Variants in TTBK2 observed in about 807,000 individuals in gnomAD.
The protein encoded by TTBK2 is tau-tubulin kinase 2.
Under a neutral mutation model 110.8 loss-of-function variants are expected in TTBK2, and 28 were observed. That is an observed-to-expected ratio of 0.25 (90% CI 0.19 to 0.35). The LOEUF (loss-of-function observed/expected upper bound fraction) is 0.35, where lower values mean the gene tolerates loss of function less well. TTBK2 is among the 10% of genes least tolerant of loss of function. The pLI is 1.00. For missense variants in TTBK2, 1,369 were observed against 1,500.3 expected, an observed-to-expected ratio of 0.91 and a Z score of 1.45; for synonymous variants, 532 against 527.3, an observed-to-expected ratio of 1.01 and a Z score of -0.12.
chr15:42,809,601 C>T (rs956963369), intron 9 of TTBK2, among the ~76,000 whole-genome samples: 10 of 152,164 alleles, frequency 6.6e-5, no homozygotes, highest in African/African-American at 2.4e-4. Context: ...AAAATACATA[C>T]AAAAGACAAA....
At chr15:42,901,844 AAAG>A in intron 1 of TTBK2, among the ~76,000 whole-genome samples, 1 of 152,198 alleles carries the variant, frequency 6.6e-6, no homozygotes, top group Admixed American at 6.5e-5. Context: ...ACACTTGTCC[AAAG>A]AAGATATACA....
intron 14 of TTBK2, among the ~76,000 whole-genome samples, chr15:42,748,561 C>T (rs1289982200): frequency 2.0e-5 from 3 of 152,114 alleles, no homozygotes; most frequent in African/African-American, 7.2e-5. Context: ...GCTGGGAATA[C>T]AGCTGTGTAG....
chr15:42,853,976 C>T (rs1893829217), intron 3 of TTBK2, among the ~76,000 whole-genome samples: 1 of 152,084 alleles, frequency 6.6e-6, no homozygotes. Flanking sequence ...CACTCTGTCA[C>T]CCAGGTTGGA....
At chr15:42,812,310 G>GT (rs1340552598) in intron 7 of TTBK2, among the ~76,000 whole-genome samples, 1 of 150,682 alleles carries the variant, frequency 6.6e-6, no homozygotes, top group Non-Finnish European at 1.5e-5. Flanking sequence ...ACATTATACT[G>GT]TAATTGTTTT....
intron 6 of TTBK2, among the ~76,000 whole-genome samples, chr15:42,818,930 A>G (rs1431272511): frequency 6.7e-6 from 1 of 149,298 alleles, no homozygotes; most frequent in African/African-American, 2.4e-5. Flanking sequence ...CTCAAAAAAA[A>G]AAAACAAAAA....
chr15:42,776,418 AG>A, intron 12 of TTBK2, among the ~76,000 whole-genome samples: 1 of 152,362 alleles, frequency 6.6e-6, no homozygotes, highest in South Asian at 2.1e-4. Context: ...AATTTGTTGT[AG>A]GGATAATGTG....
At chr15:42,823,961 G>T (rs371625100) in intron 6 of TTBK2, among the ~76,000 whole-genome samples, 7 of 152,190 alleles carry the variant, frequency 4.6e-5, no homozygotes, top group African/African-American at 1.4e-4. Context: ...TTCTGGTGAG[G>T]GCTTCAGGCT....
chr15:42,915,433 C>G (rs1007081051), intron 1 of TTBK2, among the ~76,000 whole-genome samples: 1 of 152,184 alleles, frequency 6.6e-6, no homozygotes. Context: ...GATAACTGTT[C>G]TATTTTATTA....
chr15:42,815,891 AAAATATATATATATATTT>A (rs1176859779), intron 7 of TTBK2, among the ~76,000 whole-genome samples: 9 of 99,970 alleles, frequency 9.0e-5, no homozygotes, highest in African/African-American at 5.2e-4. Flanking sequence ...TATATATTTA[AAAATATATATATATATTT>A]AAAAATATAT....
chr15:42,760,301 G>A (rs1413306270), intron 13 of TTBK2, among the ~76,000 whole-genome samples: 1 of 147,950 alleles, frequency 6.8e-6, no homozygotes, highest in Non-Finnish European at 1.5e-5. Context: ...CAGAAGAATT[G>A]CTTGAACCAG....
At chr15:42,843,302 G>T (rs80233351) in intron 3 of TTBK2, among the ~76,000 whole-genome samples, 1 of 152,164 alleles carries the variant, frequency 6.6e-6, no homozygotes, top group Non-Finnish European at 1.5e-5. Flanking sequence ...ACTCTCTGGC[G>T]ACAGAAACTG....
chr15:42,878,030 A>G (rs981341834), intron 2 of TTBK2, among the ~76,000 whole-genome samples: 8 of 151,278 alleles, frequency 5.3e-5, no homozygotes, highest in Admixed American at 1.3e-4. Flanking sequence ...AAAAAAAAAA[A>G]AGAGAGAGCA....
At chr15:42,865,731 G>A (rs1226180495) in intron 3 of TTBK2, among the ~76,000 whole-genome samples, 2 of 152,100 alleles carry the variant, frequency 1.3e-5, no homozygotes, top group East Asian at 3.9e-4. Context: ...GCCAAAGCAA[G>A]AGGATCACTT....
At chr15:42,865,061 T>C (rs1028685278) in intron 3 of TTBK2, among the ~76,000 whole-genome samples, 4 of 152,140 alleles carry the variant, frequency 2.6e-5, no homozygotes, top group African/African-American at 9.7e-5. Flanking sequence ...ATAATGTTAT[T>C]TGAAAGTGGA....
intron 13 of TTBK2, among the ~76,000 whole-genome samples, chr15:42,762,671 C>T (rs989516010): frequency 6.6e-6 from 1 of 152,084 alleles, no homozygotes; most frequent in South Asian, 2.1e-4. Context: ...GAGCCAAGAT[C>T]ACCACCACTG....
chr15:42,835,230 G>A (rs546265766), intron 4 of TTBK2, among the ~76,000 whole-genome samples: 1 of 152,180 alleles, frequency 6.6e-6, no homozygotes, highest in Admixed American at 6.5e-5. Flanking sequence ...AAAATGGATG[G>A]ATCAGACTGA....
At chr15:42,863,903 C>T (rs963374697) in intron 3 of TTBK2, among the ~76,000 whole-genome samples, 1 of 152,212 alleles carries the variant, frequency 6.6e-6, no homozygotes, top group African/African-American at 2.4e-5. Context: ...AACTAGACCC[C>T]TATCTTTCAC....
rs745306977 is a variant in TTBK2, at chr15:42,746,173, A to C, written c.3357T>G (p.Ser1119=). The C allele has an allele frequency of 1.1e-5, 17 of 1,613,970 alleles. No individual in the cohort carries two copies. Among genetic ancestry groups the C allele is most frequent in the Non-Finnish European group, 1.4e-5 (17 of 1,180,036 alleles). The change falls in exon 15 of 15, where the codon TCT becomes TCG. Residue 1119 remains serine, a synonymous_variant. Transcript: ENST00000267890. ...ACTGAGTAGTGCTCCGGGGTTTCTG[A>C]GATCCATTTTGAAGAATTTGGGCCA... ...SRLAQILQNG[S]QKPRSTTQCK...
At chr15:42,766,382 G>A (rs528551346) in intron 13 of TTBK2, among the ~76,000 whole-genome samples, 12 of 144,666 alleles carry the variant, frequency 8.3e-5, no homozygotes, top group African/African-American at 2.4e-4. Flanking sequence ...CCTATCTCAC[G>A]TGCACAGACA....
Sources: allele counts gnomAD v4.1 joint callset (sites outside exome capture counted in the v4.1 genomes callset), GRCh38; gene constraint gnomAD v4.1.1; transcripts MANE v1.5; gene names NCBI Gene and HGNC (gene_info 2026-07-23, HGNC 2026-07-21).